The following GTF2E1 variants were observed in gnomAD, a reference collection of about 807,000 sequenced individuals.
GTF2E1 encodes the protein TFIIE alpha subunit.
Under a neutral mutation model 34.9 loss-of-function variants are expected in GTF2E1, and 14 were observed. That is an observed-to-expected ratio of 0.40 (90% CI 0.27 to 0.63). The LOEUF is 0.63. Ranked by LOEUF, GTF2E1 falls within the 20% of genes least tolerant of loss-of-function variation. The pLI is 0.39. For synonymous variants in GTF2E1, 188 were observed against 192.9 expected (o/e 0.97, Z 0.21); for missense variants, 469 against 557.7 (o/e 0.84, Z 1.60).
At chr3:120,780,236 A>G (rs1309508834) in intron 4 of GTF2E1, among the ~76,000 whole-genome samples, 2 of 152,244 alleles carry the variant, frequency 1.3e-5, no homozygotes, top group African/African-American at 4.8e-5. Flanking sequence ...TAGAACCTAC[A>G]TCCTTGGAAA....
chr3:120,761,582 A>C (rs1217055104), intron 2 of GTF2E1, among the ~76,000 whole-genome samples: 1 of 152,060 alleles, frequency 6.6e-6, no homozygotes, highest in East Asian at 1.9e-4. Context: ...CCCTCTACAC[A>C]TTGCTTTAAA....
At chr3:120,754,645 CAT>C (rs968847921) in intron 2 of GTF2E1, among the ~76,000 whole-genome samples, 12 of 152,030 alleles carry the variant, frequency 7.9e-5, no homozygotes, top group Admixed American at 7.2e-4. Context: ...TCTCTAAAAA[CAT>C]ATATGGCATT....
chr3:120,749,088 TG>T (rs1709138915), intron 1 of GTF2E1, among the ~76,000 whole-genome samples: 2 of 152,246 alleles, frequency 1.3e-5, no homozygotes, highest in South Asian at 4.1e-4. Flanking sequence ...TTGTGATTTT[TG>T]TACATTGATT....
rs746127365 is a variant in GTF2E1 at position 120,781,148 on chromosome 3, C to T, written c.998C>T (p.Ser333Phe). 1.2e-6 allele frequency: 2 copies of T among 1,614,154 alleles called. No individual in the cohort carries two copies. Among genetic ancestry groups the T allele is most frequent in the Non-Finnish European group, 1.7e-6 (2 of 1,180,016 alleles). ...CTGCTCATTCACGAGAAAAAGACTT[C>T]CTCTGCCATGGCTGGTTCAGTGGGG... ...RALLIHEKKT[S>F]SAMAGSVGAA... Residue 333 changes from serine (S) to phenylalanine (F), a missense_variant, in exon 5 of 5, where the codon TCC becomes TTC. Physicochemically the swap from Ser to Phe is radical, Grantham distance 155. Coordinates refer to ENST00000283875, the MANE Select transcript of GTF2E1 (RefSeq NM_005513.3).
intron 4 of GTF2E1, among the ~76,000 whole-genome samples, chr3:120,780,506 G>A (rs917376045): frequency 6.6e-6 from 1 of 152,194 alleles, no homozygotes; most frequent in African/African-American, 2.4e-5. Flanking sequence ...GGCTACTGTG[G>A]CTAGACAAGA....
At chr3:120,777,117 T>C (rs1234012649) in intron 4 of GTF2E1, among the ~76,000 whole-genome samples, 1 of 152,156 alleles carries the variant, frequency 6.6e-6, no homozygotes, top group Admixed American at 6.5e-5. Context: ...AGAGACCACA[T>C]GAATAAAGGA....
At chr3:120,768,086 T>A (rs1436487403) in intron 2 of GTF2E1, among the ~76,000 whole-genome samples, 2 of 152,174 alleles carry the variant, frequency 1.3e-5, no homozygotes, top group African/African-American at 4.8e-5. Context: ...GACATTTTTT[T>A]AAAATTCGGG....
chr3:120,750,219 C>CT (rs1175529486), intron 1 of GTF2E1, among the ~76,000 whole-genome samples: 1 of 152,104 alleles, frequency 6.6e-6, no homozygotes, highest in Non-Finnish European at 1.5e-5. Flanking sequence ...TTTCATGTAG[C>CT]TTTTTTTGTG....
intron 2 of GTF2E1, among the ~76,000 whole-genome samples, chr3:120,768,212 T>G (rs918099063): frequency 6.6e-6 from 1 of 152,080 alleles, no homozygotes; most frequent in Non-Finnish European, 1.5e-5. Flanking sequence ...ACAAGACAGT[T>G]GAAATTTTAG....
intron 1 of GTF2E1, among the ~76,000 whole-genome samples, chr3:120,743,297 G>A (rs990800064): frequency 1.3e-5 from 2 of 152,146 alleles, no homozygotes; most frequent in Non-Finnish European, 2.9e-5. Flanking sequence ...TCTGCAGTCA[G>A]TACAATCTTT....
chr3:120,750,138 A>T (rs911554164), intron 1 of GTF2E1, among the ~76,000 whole-genome samples: 12 of 152,238 alleles, frequency 7.9e-5, no homozygotes, highest in Non-Finnish European at 1.3e-4. Flanking sequence ...GAAAGGAAAC[A>T]AAGACACTTT....
At chr3:120,759,997 G>C (rs1375559534) in intron 2 of GTF2E1, among the ~76,000 whole-genome samples, 1 of 152,158 alleles carries the variant, frequency 6.6e-6, no homozygotes, top group Non-Finnish European at 1.5e-5. Flanking sequence ...TAGCTTGATG[G>C]GGATAACATT....
At chr3:120,751,113 A>T (rs553478308) in intron 2 of GTF2E1, 113 bp downstream of exon 2, 7 of 662,832 alleles carry the variant, frequency 1.1e-5, no homozygotes, top group South Asian at 1.0e-4. Flanking sequence ...AAGTGAATGG[A>T]TCAGTGTAAA....
At chr3:120,775,975 C>A (rs1016347406) in intron 3 of GTF2E1, among the ~76,000 whole-genome samples, 4 of 152,144 alleles carry the variant, frequency 2.6e-5, no homozygotes, top group Non-Finnish European at 5.9e-5. Flanking sequence ...GCACACAGAA[C>A]CACTTTGAAT....
chr3:120,751,082 CCAT>C (rs1478293371), intron 2 of GTF2E1, 82 bp downstream of exon 2: 4 of 796,322 alleles, frequency 5.0e-6, no homozygotes, highest in East Asian at 2.7e-5. Flanking sequence ...AATTTTTAAA[CCAT>C]CATATATATT....
intron 2 of GTF2E1, among the ~76,000 whole-genome samples, chr3:120,764,943 G>A (rs567806381): frequency 1.3e-4 from 20 of 151,036 alleles, no homozygotes; most frequent in African/African-American, 4.6e-4. Flanking sequence ...TTTCTTCTGT[G>A]TTTAGCAAAG....
At chr3:120,780,421 T>A (rs1709437019) in intron 4 of GTF2E1, among the ~76,000 whole-genome samples, 1 of 152,106 alleles carries the variant, frequency 6.6e-6, no homozygotes, top group South Asian at 2.1e-4. Context: ...GGAAAAATAT[T>A]CCAGGCAGAG....
chr3:120,779,511 TTC>T (rs1276082477), intron 4 of GTF2E1, among the ~76,000 whole-genome samples: 4 of 152,264 alleles, frequency 2.6e-5, no homozygotes, highest in Admixed American at 1.3e-4. Flanking sequence ...ACTTGTCTGC[TTC>T]TGTTTCCCTT....
chr3:120,772,203 A>G (rs1176203115), intron 3 of GTF2E1, among the ~76,000 whole-genome samples: 1 of 152,080 alleles, frequency 6.6e-6, no homozygotes, highest in East Asian at 1.9e-4. Flanking sequence ...AGGGCTCCCT[A>G]GGATACTCTA....
Sources: gnomAD v4.1 joint callset for allele counts (sites outside exome capture counted in the v4.1 genomes callset) on GRCh38, gnomAD v4.1.1 for gene constraint, MANE v1.5 for transcripts, NCBI Gene and HGNC (gene_info 2026-07-23, HGNC 2026-07-21) for gene names.